The following BRAF variants were observed in gnomAD, a reference collection of about 807,000 sequenced individuals.
The protein encoded by BRAF is B-Raf proto-oncogene, serine/threonine kinase.
Under a neutral mutation model 104.6 loss-of-function variants are expected in BRAF, and 16 were observed. That is an observed-to-expected ratio of 0.15 (90% CI 0.10 to 0.23). The LOEUF (loss-of-function observed/expected upper bound fraction) is 0.23. BRAF is among the 10% of genes least tolerant of loss of function. BRAF has a pLI of 1.00. For synonymous variants in BRAF, 310 were observed against 341.6 expected, an observed-to-expected ratio of 0.91 and a Z score of 1.02; for missense variants, 541 against 937.3, an observed-to-expected ratio of 0.58 and a Z score of 5.52.
At chr7:140,902,160 GC>G (rs1434078353) in intron 1 of BRAF, among the ~76,000 whole-genome samples, 1 of 152,192 alleles carries the variant, frequency 6.6e-6, no homozygotes, top group Non-Finnish European at 1.5e-5. Context: ...TTTTCCAACA[GC>G]ATATGCTCAC....
At chr7:140,802,292 C>CTTTTTTTT (rs144953895) in intron 5 of BRAF, among the ~76,000 whole-genome samples, 1 of 103,310 alleles carries the variant, frequency 9.7e-6, no homozygotes. Context: ...ATGTTTGTGT[C>CTTTTTTTT]TTTTTTTTTT....
rs76155189 is a variant in BRAF, at chr7:140,869,869, G to C, written c.139-19657C>G. Among the ~76,000 whole-genome samples the C allele has an allele frequency of 2.0e-3, 305 of 152,174 alleles. 5 individuals are homozygous for C. The East Asian group carries it at 0.048, about 24-fold the overall frequency. ...ACAAAATTCAAGTATATATAATCAA[G>C]TTATTAAGTGTATAAATAAAAGAGA... is the stretch of plus-strand genomic sequence containing the variant. On this transcript the variant is annotated intron_variant, in intron 1 of 19. Transcript: ENST00000644969.
chr7:140,888,113 TC>T (rs1164464488), intron 1 of BRAF, among the ~76,000 whole-genome samples: 1 of 152,190 alleles, frequency 6.6e-6, no homozygotes, highest in African/African-American at 2.4e-5. Flanking sequence ...GACCTTGTGA[TC>T]CGTCTACCTC....
In BRAF at chr7:140,722,289, A is replaced by T. The variant is rs1473224518; in HGVS notation, c.*4205T>A. The stretch of plus-strand genomic sequence containing the variant: ...CATTGTTAAATGTGATTTTGGCTAT[A>T]AACTCTTTAGTGCATTTACCTATGC... On this transcript the variant is annotated 3_prime_UTR_variant, in exon 20 of 20. Coordinates refer to ENST00000644969, the MANE Select transcript of BRAF (RefSeq NM_001374258.1). 1 of 1,056,152 alleles carries T rather than the reference A, an allele frequency of 9.5e-7. No individual in the cohort carries two copies. The highest frequency in any genetic ancestry group is 1.1e-6 in the Non-Finnish European group (1 of 873,658). The allele number at this position is 1,056,152 out of a possible 1,614,324, so 65.4% of individuals were successfully genotyped here.
chr7:140,914,003 T>C (rs1340383430), intron 1 of BRAF, among the ~76,000 whole-genome samples: 5 of 152,222 alleles, frequency 3.3e-5, no homozygotes, highest in Admixed American at 2.6e-4. Flanking sequence ...AGGACAATCA[T>C]CAGTCAGTCC....
chr7:140,863,136 G>T (rs1810589947), intron 1 of BRAF, among the ~76,000 whole-genome samples: 1 of 151,962 alleles, frequency 6.6e-6, no homozygotes. Context: ...AAAGGAGTAG[G>T]CCTCTCGTCC....
At chr7:140,750,722 A>G (rs926288348) in intron 16 of BRAF, among the ~76,000 whole-genome samples, 3 of 152,340 alleles carry the variant, frequency 2.0e-5, no homozygotes, top group Admixed American at 2.0e-4. Context: ...AGAGGCTGGT[A>G]TGGCAAAGGT....
intron 3 of BRAF, among the ~76,000 whole-genome samples, chr7:140,813,919 C>T (rs1457190469): frequency 6.6e-6 from 1 of 151,488 alleles, no homozygotes; most frequent in Non-Finnish European, 1.5e-5. Flanking sequence ...ACACACCCTC[C>T]TTAAAAAAGA....
intron 1 of BRAF, among the ~76,000 whole-genome samples, chr7:140,923,058 C>T (rs1476257395): frequency 6.6e-6 from 1 of 151,958 alleles, no homozygotes; most frequent in Non-Finnish European, 1.5e-5. Flanking sequence ...AATTTTAGAA[C>T]AGATCAAATG....
chr7:140,906,287 A>C (rs965009057), intron 1 of BRAF, among the ~76,000 whole-genome samples: 3 of 151,734 alleles, frequency 2.0e-5, no homozygotes, highest in African/African-American at 7.3e-5. Context: ...CTGCAGCCTC[A>C]ACCTCCTGGG....
At chr7:140,814,794 T>TATATATTATATATAAC (rs1562973177) in intron 3 of BRAF, among the ~76,000 whole-genome samples, 8 of 130,710 alleles carry the variant, frequency 6.1e-5, no homozygotes, top group African/African-American at 1.7e-4. Flanking sequence ...ATATATAACA[T>TATATATTATATATAAC]ATATATATTA....
intron 1 of BRAF, chr7:140,884,312 A>G (rs1208440487): frequency 1.3e-5 from 2 of 151,944 alleles, no homozygotes; most frequent in Non-Finnish European, 2.9e-5. Context: ...GAAGAACATA[A>G]GTGTTTAACA....
intron 1 of BRAF, among the ~76,000 whole-genome samples, chr7:140,879,132 C>T (rs1190702370): frequency 6.6e-6 from 1 of 152,004 alleles, no homozygotes; most frequent in Non-Finnish European, 1.5e-5. Flanking sequence ...CCTGCCTTGG[C>T]CTCCCAAAGA....
At chr7:140,762,299 T>C (rs1277477675) in intron 14 of BRAF, among the ~76,000 whole-genome samples, 1 of 152,064 alleles carries the variant, frequency 6.6e-6, no homozygotes, top group Non-Finnish European at 1.5e-5. Flanking sequence ...ACTGGGTACA[T>C]AACGAAATGA....
intron 1 of BRAF, among the ~76,000 whole-genome samples, chr7:140,923,235 G>A (rs1017739141): frequency 6.6e-6 from 1 of 152,078 alleles, no homozygotes; most frequent in Non-Finnish European, 1.5e-5. Flanking sequence ...TATGAGAATT[G>A]AGAAATTAGA....
At chr7:140,750,468 T>C (rs1797698700) in intron 16 of BRAF, among the ~76,000 whole-genome samples, 1 of 152,196 alleles carries the variant, frequency 6.6e-6, no homozygotes. Context: ...TAACAGAGTC[T>C]GGGGGTGGGA....
intron 1 of BRAF, among the ~76,000 whole-genome samples, chr7:140,903,238 ACT>A (rs1815876079): frequency 6.6e-6 from 1 of 152,004 alleles, no homozygotes; most frequent in Admixed American, 6.6e-5. Context: ...GGACACGATG[ACT>A]CTTATTAGAG....
chr7:140,842,183 G>A (rs1448636902), intron 2 of BRAF, among the ~76,000 whole-genome samples: 3 of 152,126 alleles, frequency 2.0e-5, no homozygotes, highest in African/African-American at 4.8e-5. Context: ...AGAATGATAC[G>A]GTGATTAAAC....
chr7:140,858,218 G>C (rs1017856543), intron 1 of BRAF, among the ~76,000 whole-genome samples: 3 of 152,076 alleles, frequency 2.0e-5, no homozygotes, highest in African/African-American at 7.2e-5. Context: ...ATTAATAGTG[G>C]AACAACCCAA....
Sources: allele counts gnomAD v4.1 joint callset (sites outside exome capture counted in the v4.1 genomes callset), GRCh38; gene constraint gnomAD v4.1.1; transcripts MANE v1.5; gene names NCBI Gene and HGNC (gene_info 2026-07-23, HGNC 2026-07-21).